Variants in SLC24A3 observed in about 807,000 individuals in gnomAD.
SLC24A3 encodes solute carrier family 24 member 3.
Under a neutral mutation model 75.8 loss-of-function variants are expected in SLC24A3, and 28 were observed. The ratio of observed to expected loss-of-function variants is 0.37; its 90% confidence interval spans 0.27 to 0.51. SLC24A3 has a LOEUF of 0.51. SLC24A3 is among the 20% of genes least tolerant of loss of function. The probability of loss-of-function intolerance (pLI) is 0.94; values close to 1 mark genes in which losing one functional copy is unlikely to be tolerated. For synonymous variants in SLC24A3, 372 were observed against 334.1 expected (o/e 1.11, Z -1.24); for missense variants, 663 against 847.8 (o/e 0.78, Z 2.71).
chr20:19,502,648 T>C (rs1205881193), intron 2 of SLC24A3, among the ~76,000 whole-genome samples: 1 of 151,974 alleles, frequency 6.6e-6, no homozygotes, highest in East Asian at 1.9e-4. Context: ...AACTTCCTAT[T>C]AGAACAAAAC....
At chr20:19,589,313 C>T (rs1012220025) in intron 6 of SLC24A3, among the ~76,000 whole-genome samples, 2 of 152,242 alleles carry the variant, frequency 1.3e-5, no homozygotes, top group Admixed American at 1.3e-4. Context: ...ACTAAGTTAT[C>T]TCATGTAAGG....
At chr20:19,488,990 T>TA (rs1281651391) in intron 2 of SLC24A3, among the ~76,000 whole-genome samples, 1 of 152,138 alleles carries the variant, frequency 6.6e-6, no homozygotes, top group African/African-American at 2.4e-5. Flanking sequence ...AACCTGTAGA[T>TA]TATTTAAGTT....
chr20:19,606,611 A>G (rs1470392926), intron 6 of SLC24A3, among the ~76,000 whole-genome samples: 2 of 152,216 alleles, frequency 1.3e-5, no homozygotes, highest in Admixed American at 6.5e-5. Context: ...GTGCATAAAT[A>G]TAAATAGGAA....
chr20:19,630,580 A>G (rs551749700), intron 6 of SLC24A3, among the ~76,000 whole-genome samples: 36 of 152,382 alleles, frequency 2.4e-4, no homozygotes, highest in African/African-American at 7.0e-4. Context: ...CAGACATAAC[A>G]TATAACTGAC....
intron 8 of SLC24A3, 140 bp from the exon 9 acceptor site, chr20:19,673,461 C>T: frequency 2.9e-6 from 2 of 683,942 alleles, no homozygotes; most frequent in Non-Finnish European, 5.2e-6. Flanking sequence ...GTCTCTAGAC[C>T]AGGAAATATC....
chr20:19,451,701 C>A (rs1987483762), intron 2 of SLC24A3, among the ~76,000 whole-genome samples: 1 of 152,220 alleles, frequency 6.6e-6, no homozygotes, highest in African/African-American at 2.4e-5. Flanking sequence ...TTTTCAGCTG[C>A]CAATAAATAA....
rs557314563 is a variant in SLC24A3, at chr20:19,295,776, G to T, written c.271+14689G>T. 2.8e-3 allele frequency among the ~76,000 whole-genome samples: 418 copies of T among 151,818 alleles called. 4 individuals are homozygous for T. The highest frequency in any genetic ancestry group is 9.8e-3 in the African/African-American group (405 of 41,422). ...TGCCAGTATTTTATTGAGGATTTTT[G>T]CATAGATGTTCATCAGGGATATTGG... On this transcript the variant is annotated intron_variant, in intron 2 of 16. Coordinates refer to ENST00000328041, the MANE Select transcript of SLC24A3 (RefSeq NM_020689.4).
At chr20:19,440,250 G>A (rs775928257) in intron 2 of SLC24A3, among the ~76,000 whole-genome samples, 15 of 152,170 alleles carry the variant, frequency 9.9e-5, no homozygotes, top group Admixed American at 2.0e-4. Flanking sequence ...CTATCTGACC[G>A]TGCATCCACT....
At chr20:19,662,938 G>T (rs748405752) in intron 7 of SLC24A3, among the ~76,000 whole-genome samples, 4 of 152,144 alleles carry the variant, frequency 2.6e-5, no homozygotes, top group Admixed American at 2.6e-4. Flanking sequence ...TGCAAACAGC[G>T]CCAGTCCTAA....
chr20:19,677,739 G>C (rs1190985055), intron 9 of SLC24A3, among the ~76,000 whole-genome samples: 3 of 119,934 alleles, frequency 2.5e-5, no homozygotes, highest in Non-Finnish European at 5.1e-5. Context: ...GATCATTCTT[G>C]GGTGTTTCTC....
intron 3 of SLC24A3, among the ~76,000 whole-genome samples, chr20:19,563,139 A>G (rs1053995578): frequency 6.6e-6 from 1 of 152,188 alleles, no homozygotes; most frequent in South Asian, 2.1e-4. Flanking sequence ...GCACAACTGA[A>G]GACAAAAAGC....
intron 2 of SLC24A3, among the ~76,000 whole-genome samples, chr20:19,396,920 G>A (rs1986463652): frequency 6.6e-6 from 1 of 152,206 alleles, no homozygotes; most frequent in Non-Finnish European, 1.5e-5. Context: ...TCAGTCAACA[G>A]AACTGAATTC....
At chr20:19,308,632 G>A (rs1382488307) in intron 2 of SLC24A3, among the ~76,000 whole-genome samples, 1 of 152,140 alleles carries the variant, frequency 6.6e-6, no homozygotes, top group Non-Finnish European at 1.5e-5. Flanking sequence ...TTTATTGAGC[G>A]ATTTTTTATT....
chr20:19,346,075 A>ATATATATG (rs1427023679), intron 2 of SLC24A3, among the ~76,000 whole-genome samples: 25 of 56,154 alleles, frequency 4.5e-4, no homozygotes, highest in African/African-American at 4.4e-3. Flanking sequence ...ATATATATAT[A>ATATATATG]TATATATATA....
rs566926887 is a variant in SLC24A3, at chr20:19,693,025, A to C, written c.1325-234A>C. Among the ~76,000 whole-genome samples the C allele has an allele frequency of 9.7e-4, 147 of 152,162 alleles. 1 individual carries two copies. The highest frequency in any genetic ancestry group is 3.5e-3 in the African/African-American group (146 of 41,522). The stretch of plus-strand genomic sequence containing the variant: ...GAAGTGATTCACCCTCTCATTTCGG[A>C]GACCTAATCAGCAGGTGGGCAGTGG... On this transcript the variant is annotated intron_variant, in intron 12 of 16. Coordinates refer to ENST00000328041, the MANE Select transcript of SLC24A3 (RefSeq NM_020689.4).
chr20:19,509,355 A>T (rs1371701519), intron 2 of SLC24A3, among the ~76,000 whole-genome samples: 1 of 152,192 alleles, frequency 6.6e-6, no homozygotes, highest in African/African-American at 2.4e-5. Flanking sequence ...TGGCGCTAGG[A>T]TGCACACCTG....
intron 2 of SLC24A3, among the ~76,000 whole-genome samples, chr20:19,422,065 C>G (rs571742964): frequency 1.3e-5 from 2 of 152,202 alleles, no homozygotes; most frequent in African/African-American, 4.8e-5. Flanking sequence ...GCTTGAGGGT[C>G]ACTCCTGGGG....
chr20:19,470,642 C>T (rs966127271), intron 2 of SLC24A3, among the ~76,000 whole-genome samples: 36 of 152,176 alleles, frequency 2.4e-4, no homozygotes, highest in African/African-American at 7.7e-4. Flanking sequence ...TTGGCTGATG[C>T]GCTGACATTA....
chr20:19,698,511 C>T (rs990586287), intron 14 of SLC24A3, 57 bp from the exon 15 acceptor site: 2 of 1,323,120 alleles, frequency 1.5e-6, no homozygotes, highest in East Asian at 2.5e-5. Context: ...TTGGGAGAGT[C>T]CTGTGTGGGG....
Sources: gnomAD v4.1 joint callset for allele counts (sites outside exome capture counted in the v4.1 genomes callset) on GRCh38, gnomAD v4.1.1 for gene constraint, MANE v1.5 for transcripts, NCBI Gene and HGNC (gene_info 2026-07-23, HGNC 2026-07-21) for gene names.